Variants in ZNF765 observed in about 807,000 individuals in gnomAD.
The protein encoded by ZNF765 is zinc finger protein 765.
ZNF765 carries 37 observed loss-of-function variants against 44.7 expected under a neutral mutation model. That is an observed-to-expected ratio of 0.83 (90% CI 0.64 to 1.09). The LOEUF is 1.09. Among genes scored for constraint, ZNF765 ranks in the 50% least tolerant of loss-of-function variants. The probability of loss-of-function intolerance (pLI) is 0.00; values close to 1 mark genes in which losing one functional copy is unlikely to be tolerated. For synonymous variants in ZNF765, 201 were observed against 213.7 expected (o/e 0.94, Z 0.52); for missense variants, 594 against 626.1 (o/e 0.95, Z 0.55).
intron 3 of ZNF765, among the ~76,000 whole-genome samples, chr19:53,421,804 A>G (rs6509758): frequency 0.68 from 102,653 of 152,048 alleles, 34,808 homozygotes; most frequent in Admixed American, 0.73. Context: ...ATGAGCCACC[A>G]CGCCCAGCCA....
At chr19:53,426,029 T>A (rs545681199) in exon 4 of ZNF765, 1 of 152,302 alleles carries the variant, frequency 6.6e-6, no homozygotes, top group African/African-American at 2.4e-5. Context: ...CGTTATCTCC[T>A]GTCCGGGGAA....
At chr19:53,401,737 G>A (rs376826454) in intron 2 of ZNF765, among the ~76,000 whole-genome samples, 3 of 152,032 alleles carry the variant, frequency 2.0e-5, no homozygotes, top group Admixed American at 6.5e-5. Flanking sequence ...TTAACTGGTC[G>A]TGGTGGCACG....
chr19:53,425,939 A>G (rs2085936538), exon 4 of ZNF765: 1 of 152,362 alleles, frequency 6.6e-6, no homozygotes, highest in Non-Finnish European at 1.5e-5. Context: ...CTCTACTAAA[A>G]ATACAAAAAT....
In ZNF765 at chr19:53,410,592, A is replaced by T; in HGVS notation, c.*1465A>T. ...TCCATGGTGTAGGGAAACTTTACTTATGTAATGATTGTCACAAAGTCTTCA... is the reference window on the plus strand; with the variant it reads ...TCCATGGTGTAGGGAAACTTTACTTTTGTAATGATTGTCACAAAGTCTTCA... On this transcript the variant is annotated 3_prime_UTR_variant, in exon 4 of 4. Transcript: ENST00000396408. The T allele has an allele frequency of 2.2e-6, 1 of 456,124 alleles. No individual in the cohort carries two copies. Among genetic ancestry groups the T allele is most frequent in the Non-Finnish European group, 4.4e-6 (1 of 227,542 alleles). The allele number at this position is 456,124 out of a possible 1,614,324, so 28.3% of individuals were successfully genotyped here.
intron 3 of ZNF765, among the ~76,000 whole-genome samples, chr19:53,407,104 T>C (rs2085782630): frequency 6.6e-6 from 1 of 152,078 alleles, no homozygotes; most frequent in Admixed American, 6.6e-5. Context: ...CTTTGCCTCT[T>C]GGGTTCAAAC....
Position 53,407,925 on chromosome 19 carries a change from G to A in ZNF765, c.370G>A (p.Glu124Lys), listed in dbSNP as rs1289080417. The part of the protein sequence containing the change: ...TKIKKLTGST[E>K]RYDQNYAGNK... ...AATCAAAAAGTTGACAGGTAGTACA[G>A]AGCGATATGATCAAAATTATGCTGG... Residue 124 changes from glutamate to lysine, a missense_variant, in exon 4 of 4, where the codon GAG becomes AAG. Around this residue, in one of 2 missense-constraint regions of ZNF765, gnomAD observed 567 missense variants for 572.6 expected, o/e 0.99. Transcript: ENST00000396408. 1 of 1,614,170 alleles carries A rather than the reference G, an allele frequency of 6.2e-7. No homozygotes were observed.
At chr19:53,417,086 A>T (rs904574588) in intron 3 of ZNF765, among the ~76,000 whole-genome samples, 13 of 152,088 alleles carry the variant, frequency 8.5e-5, no homozygotes, top group Admixed American at 7.9e-4. Context: ...CCAAAGTGCT[A>T]GGATTACAGA....
chr19:53,416,514 G>T (rs2085875977), downstream of ZNF765, among the ~76,000 whole-genome samples: 3 of 152,138 alleles, frequency 2.0e-5, no homozygotes, highest in Admixed American at 2.0e-4. Flanking sequence ...AGGAGTTGGA[G>T]ACCTGCCTAC....
chr19:53,413,571 A>C (rs990486661), downstream of ZNF765, among the ~76,000 whole-genome samples: 9 of 150,398 alleles, frequency 6.0e-5, no homozygotes, highest in African/African-American at 2.2e-4. Context: ...AATTGCATAG[A>C]GTACCTTAGT....
chr19:53,407,580 T>C (rs559538057), intron 3 of ZNF765, 118 bp from the exon 4 acceptor site: 3 of 684,088 alleles, frequency 4.4e-6, no homozygotes, highest in South Asian at 4.0e-5. Context: ...TCCTAAACTT[T>C]GAGGGTCATG....
downstream of ZNF765, among the ~76,000 whole-genome samples, chr19:53,413,933 A>T (rs1266223860): frequency 1.3e-5 from 2 of 148,582 alleles, no homozygotes; most frequent in African/African-American, 4.9e-5. Flanking sequence ...AGAAAGACAA[A>T]AAAAAAAAAA....
chr19:53,417,525 A>G (rs1027780421), intron 3 of ZNF765, among the ~76,000 whole-genome samples: 9 of 152,254 alleles, frequency 5.9e-5, no homozygotes, highest in African/African-American at 2.2e-4. Context: ...TATCCAGTCC[A>G]TGGGTGATGG....
chr19:53,396,214 C>A lies in ZNF765; in HGVS notation c.-74+1021C>A, dbSNP rs187810489. 2.2e-4 allele frequency among the ~76,000 whole-genome samples: 33 copies of A among 151,866 alleles called. No homozygotes were observed. The East Asian group carries it at 6.2e-3, about 29-fold the overall frequency. On this transcript the variant is annotated intron_variant, in intron 1 of 3. Transcript: ENST00000396408. ...AGAGGGAGAAGCACAGCAGGGAGGA[C>A]ACCTGGGGATCTGGGGTGCTAGAGA...
In ZNF765 at chr19:53,397,472, C is replaced by G. The variant is rs148033512; in HGVS notation, c.-73-471C>G. On this transcript the variant is annotated intron_variant, in intron 1 of 3. Transcript: ENST00000396408. ...CAGGCTGGTCTCGAACTCCTGAGCT[C>G]AAGCGATCCTCACACCTCAGCCTCC... Among the ~76,000 whole-genome samples, 57 of 152,308 alleles carry G rather than the reference C, an allele frequency of 3.7e-4. 2 individuals carry two copies. The South Asian group carries it at 0.011, about 30-fold the overall frequency.
At chr19:53,416,274 C>T (rs558934962), downstream of ZNF765, among the ~76,000 whole-genome samples, 9 of 152,120 alleles carry the variant, frequency 5.9e-5, no homozygotes, top group South Asian at 2.1e-4. Context: ...GGCATGGTAG[C>T]GGGTGCCTTT....
intron 1 of ZNF765, among the ~76,000 whole-genome samples, chr19:53,396,615 G>T (rs1279794802): frequency 6.6e-6 from 1 of 152,098 alleles, no homozygotes; most frequent in East Asian, 1.9e-4. Flanking sequence ...TTCTAAAGTG[G>T]GGTTTTCTGG....
Position 53,408,459 on chromosome 19 carries a change from G to A in ZNF765, c.904G>A (p.Glu302Lys). 6.2e-7 allele frequency: 1 copy of A among 1,611,844 alleles called. No homozygotes were observed. The highest frequency in any genetic ancestry group is 8.5e-7 in the Non-Finnish European group (1 of 1,179,402). ...TACTGGAGAGAAACCTTACAAATGT[G>A]AAGAATGTGACAAAGCTTTCCATTT... ...LHTGEKPYKC[E>K]ECDKAFHFKS... The change falls in exon 4 of 4, where the codon GAA (glutamate) becomes AAA (lysine). Residue 302 changes from glutamate to lysine, a missense_variant. By Grantham distance (56) the Glu-to-Lys change is moderately conservative. This residue lies in a region of ZNF765 where 567 missense variants were observed against 572.6 expected (regional missense o/e 0.99). Transcript: ENST00000396408.
chr19:53,419,594 C>T (rs1199784239), intron 3 of ZNF765, among the ~76,000 whole-genome samples: 5 of 152,188 alleles, frequency 3.3e-5, no homozygotes, highest in African/African-American at 1.2e-4. Context: ...CGGCTCTGAT[C>T]ACAACAATTC....
chr19:53,404,469 T>C (rs561967607), intron 3 of ZNF765, among the ~76,000 whole-genome samples: 9 of 152,172 alleles, frequency 5.9e-5, no homozygotes, highest in Non-Finnish European at 1.3e-4. Context: ...TTTTTTCTTT[T>C]TAAGACGGAG....
Sources: allele counts gnomAD v4.1 joint callset (sites outside exome capture counted in the v4.1 genomes callset), GRCh38; gene constraint gnomAD v4.1.1; regional missense constraint gnomAD v4.1.1; transcripts MANE v1.5; gene names NCBI Gene and HGNC (gene_info 2026-07-23, HGNC 2026-07-21).